CD80: variants seen among roughly 807,000 people sequenced by gnomAD.
CD80 encodes T-lymphocyte activation antigen CD80.
A neutral mutation model predicts 27.1 loss-of-function variants in CD80; 13 were observed. The ratio of observed to expected loss-of-function variants is 0.48; its 90% CI spans 0.31 to 0.76. The LOEUF is 0.76. CD80 is among the 30% of genes least tolerant of loss of function. CD80 has a pLI of 0.04. For missense variants in CD80, 277 were observed against 347.9 expected (o/e 0.80, Z 1.62); for synonymous variants, 125 against 125.5 (o/e 1.00, Z 0.03).
intron 3 of CD80, among the ~76,000 whole-genome samples, chr3:119,538,366 T>C (rs1281678218): frequency 6.6e-6 from 1 of 152,178 alleles, no homozygotes; most frequent in Non-Finnish European, 1.5e-5. Flanking sequence ...CTATGTTATC[T>C]ATTTATTTAC....
intron 2 of CD80, among the ~76,000 whole-genome samples, chr3:119,552,513 CAAAAAAAAAAAAAAAAAA>C (rs11369803): frequency 3.2e-5 from 1 of 31,288 alleles, no homozygotes; most frequent in Non-Finnish European, 6.2e-5. Context: ...GACTCTGTCT[CAAAAAAAAAAAAAAAAAA>C]AAAAAAAAGG....
At chr3:119,556,746 C>A (rs1471514316) in intron 2 of CD80, among the ~76,000 whole-genome samples, 1 of 152,130 alleles carries the variant, frequency 6.6e-6, no homozygotes, top group Non-Finnish European at 1.5e-5. Flanking sequence ...ATAGTCGGGT[C>A]TTTGCAGACT....
intron 4 of CD80, among the ~76,000 whole-genome samples, chr3:119,531,429 A>G (rs1032367499): frequency 6.6e-6 from 1 of 152,198 alleles, no homozygotes; most frequent in Non-Finnish European, 1.5e-5. Context: ...GGCCATAACC[A>G]TAGCCTTTTG....
At chr3:119,525,890 T>G (rs1434022010) in intron 6 of CD80, 141 bp from the exon 7 acceptor site, 2 of 123,694 alleles carry the variant, frequency 1.6e-5, no homozygotes, top group African/African-American at 3.6e-5. Flanking sequence ...TAATTATATA[T>G]GTATATATAT....
rs1290337285 is a variant in CD80, at chr3:119,527,984, C to T, written c.797-143G>A. 33 of 676,752 alleles carry T rather than the reference C, an allele frequency of 4.9e-5. 1 individual carries two copies. In the South Asian group the frequency reaches 5.4e-4, roughly 11 times the overall value. The allele number at this position is 676,752 out of a possible 1,614,324, so 41.9% of individuals were successfully genotyped here. ...TATACCAGGGGTGATTTACAATGCT[C>T]CCTCTTTACCTCTTTGCCAAGGGGA... is the stretch of plus-strand genomic sequence containing the variant. On this transcript the variant is annotated intron_variant, in intron 5 of 6. Coordinates refer to ENST00000264246, the MANE Select transcript of CD80 (RefSeq NM_005191.4).
Position 119,543,333 on chromosome 3 carries a change from G to T in CD80, c.418+1217C>A, listed in dbSNP as rs552233591. ...CTTCCACAGTAGGTACATAAACAGG[G>T]CTTTGATTCATAAATTAGTTTTTTT... On this transcript the variant is annotated intron_variant, in intron 3 of 6. Coordinates refer to ENST00000264246, the MANE Select transcript of CD80 (RefSeq NM_005191.4). Among the ~76,000 whole-genome samples the T allele has an allele frequency of 2.6e-5, 4 of 151,910 alleles. No homozygotes were observed. In the South Asian group the frequency reaches 8.3e-4, roughly 32 times the overall value.
rs928359986 is a variant in CD80, at chr3:119,541,341, T to C, written c.418+3209A>G. Among the ~76,000 whole-genome samples the C allele has an allele frequency of 3.9e-5, 6 of 152,238 alleles. No individual in the cohort carries two copies. The East Asian group carries it at 1.2e-3, about 29-fold the overall frequency. On this transcript the variant is annotated intron_variant, in intron 3 of 6. Coordinates refer to ENST00000264246, the MANE Select transcript of CD80 (RefSeq NM_005191.4). ...TAGTTAAGCTGTTAACGAATGTAGC[T>C]AGTTCTCAAACATGCCAGTTAATGG... is the stretch of plus-strand genomic sequence containing the variant.
At chr3:119,525,928 A>G (rs1292714364) in intron 6 of CD80, among the ~76,000 whole-genome samples, 179 bp from the exon 7 acceptor site, 1 of 149,702 alleles carries the variant, frequency 6.7e-6, no homozygotes, top group African/African-American at 2.4e-5. Flanking sequence ...TCTTAATTTT[A>G]ATCTCTTAAT....
chr3:119,554,229 G>A (rs1336753611), intron 2 of CD80, among the ~76,000 whole-genome samples: 1 of 152,246 alleles, frequency 6.6e-6, no homozygotes, highest in Non-Finnish European at 1.5e-5. Context: ...GCATAGCGGT[G>A]TGTGTTGCAG....
At chr3:119,527,540 A>G in intron 6 of CD80, 193 bp downstream of exon 6, 1 of 432,694 alleles carries the variant, frequency 2.3e-6, no homozygotes, top group Non-Finnish European at 4.0e-6. Context: ...ATGGCAAAAG[A>G]AGAGGTTACA....
At chr3:119,532,356 A>T (rs1161331248) in intron 4 of CD80, among the ~76,000 whole-genome samples, 2 of 152,114 alleles carry the variant, frequency 1.3e-5, no homozygotes, top group African/African-American at 4.8e-5. Context: ...ACAAAAAATT[A>T]TCGGTGGCGA....
chr3:119,553,636 G>T (rs972260273), intron 2 of CD80, among the ~76,000 whole-genome samples: 1 of 152,156 alleles, frequency 6.6e-6, no homozygotes, highest in African/African-American at 2.4e-5. Context: ...GGCTGCCCTC[G>T]CAGGGGTCTG....
chr3:119,558,446 C>T (rs1346096657), intron 1 of CD80, among the ~76,000 whole-genome samples: 1 of 152,184 alleles, frequency 6.6e-6, no homozygotes, highest in African/African-American at 2.4e-5. Flanking sequence ...AAAAAAGACA[C>T]TGCAGACGTT....
intron 4 of CD80, among the ~76,000 whole-genome samples, chr3:119,530,981 T>G (rs9282640): frequency 0.03 from 4,596 of 152,340 alleles, 207 homozygotes; most frequent in African/African-American, 0.095. Context: ...GCTGGTAGAA[T>G]TTCACAGTAG....
intron 3 of CD80, among the ~76,000 whole-genome samples, chr3:119,540,201 G>A (rs1034609684): frequency 2.0e-5 from 3 of 152,128 alleles, no homozygotes; most frequent in Admixed American, 6.5e-5. Flanking sequence ...CACCAGCCTC[G>A]GCCTCCCAAA....
At chr3:119,557,513 C>A in intron 2 of CD80, 116 bp downstream of exon 2, 1 of 600,990 alleles carries the variant, frequency 1.7e-6, no homozygotes, top group Non-Finnish European at 2.8e-6. Context: ...TCTGAAAACA[C>A]CCTGAAGGTT....
At chr3:119,555,165 C>T (rs200496513) in intron 2 of CD80, among the ~76,000 whole-genome samples, 2 of 151,976 alleles carry the variant, frequency 1.3e-5, no homozygotes. Context: ...GTAAAGTAAC[C>T]CCCTCCCCAC....
chr3:119,539,387 C>T (rs2082155490), intron 3 of CD80, among the ~76,000 whole-genome samples: 1 of 150,738 alleles, frequency 6.6e-6, no homozygotes, highest in Admixed American at 6.6e-5. Flanking sequence ...GTATATTGTG[C>T]AGTTGCCAGA....
intron 5 of CD80, among the ~76,000 whole-genome samples, chr3:119,528,856 G>T (rs1207493965): frequency 0.038 from 1 of 26 alleles, no homozygotes; most frequent in Non-Finnish European, 0.071. Flanking sequence ...AACCTGGGAG[G>T]CGGAGGTGCA....
Sources: allele counts gnomAD v4.1 joint callset (sites outside exome capture counted in the v4.1 genomes callset), GRCh38; gene constraint gnomAD v4.1.1; transcripts MANE v1.5; gene names NCBI Gene and HGNC (gene_info 2026-07-23, HGNC 2026-07-21).